PTPRC: variants seen among roughly 807,000 people sequenced by gnomAD.
PTPRC encodes the protein receptor-type tyrosine-protein phosphatase C.
Under a neutral mutation model 155.9 loss-of-function variants are expected in PTPRC, and 44 were observed. That is an observed-to-expected ratio of 0.28 (90% confidence interval 0.22 to 0.36). The LOEUF (loss-of-function observed/expected upper bound fraction) is 0.36. Ranked by LOEUF, PTPRC falls within the 10% of genes least tolerant of loss-of-function variation. The pLI is 1.00. For missense variants in PTPRC, 1,401 were observed against 1,564.6 expected (o/e 0.90, Z 1.76); for synonymous variants, 525 against 533.1 (o/e 0.98, Z 0.21).
At chr1:198,705,559 T>TA (rs1652913508) in intron 8 of PTPRC, among the ~76,000 whole-genome samples, 1 of 151,896 alleles carries the variant, frequency 6.6e-6, no homozygotes, top group Non-Finnish European at 1.5e-5. Flanking sequence ...TAGCTGGGAC[T>TA]ATAGGCACAT....
intron 2 of PTPRC, among the ~76,000 whole-genome samples, chr1:198,639,987 G>T (rs1004267246): frequency 1.3e-5 from 2 of 151,852 alleles, no homozygotes; most frequent in Non-Finnish European, 2.9e-5. Context: ...AATTCTTGTG[G>T]AGCCACCGCC....
intron 32 of PTPRC, among the ~76,000 whole-genome samples, chr1:198,755,612 G>C (rs532579257): frequency 6.6e-6 from 1 of 152,176 alleles, no homozygotes; most frequent in South Asian, 2.1e-4. Context: ...TAGACAGGAG[G>C]ATAAGTACAA....
intron 2 of PTPRC, among the ~76,000 whole-genome samples, chr1:198,671,241 A>AC (rs928356909): frequency 2.0e-5 from 3 of 151,486 alleles, no homozygotes; most frequent in Admixed American, 6.6e-5. Context: ...CACCAGTATC[A>AC]CCCCCCTCAC....
In PTPRC at chr1:198,756,737, A is replaced by ATG. The variant is rs964455968; in HGVS notation, c.*564_*565dup. The ATG allele has an allele frequency of 2.6e-5, 4 of 152,492 alleles. No homozygotes were observed. The highest frequency in any genetic ancestry group is 1.9e-4 in the East Asian group (1 of 5,184). The allele number at this position is 152,492 out of a possible 1,614,324, so 9.4% of individuals were successfully genotyped here. A position where few individuals can be genotyped will look rare whatever the true frequency, so the allele number is the denominator to read the frequency against. ...TCTAGAGATAGTACATAAAGGTGGT[A>ATG]TGTGTGTGTATGCTACTACAAAAAA... is the stretch of plus-strand genomic sequence containing the variant. On this transcript the variant is annotated 3_prime_UTR_variant, in exon 33 of 33. Transcript: ENST00000442510.
chr1:198,682,655 G>A (rs969124167), intron 2 of PTPRC, among the ~76,000 whole-genome samples: 4 of 152,020 alleles, frequency 2.6e-5, no homozygotes, highest in African/African-American at 9.7e-5. Context: ...AAAGGCTTTT[G>A]TATGTTTTCC....
chr1:198,652,105 G>A (rs889606912), intron 2 of PTPRC, among the ~76,000 whole-genome samples: 18 of 151,848 alleles, frequency 1.2e-4, no homozygotes, highest in Non-Finnish European at 8.8e-5. Context: ...AAAAAAGGGC[G>A]CATCAGGTGT....
chr1:198,722,298 A>G (rs1021090148), intron 14 of PTPRC, 118 bp from the exon 15 acceptor site: 13 of 403,550 alleles, frequency 3.2e-5, no homozygotes, highest in Admixed American at 1.5e-4. Context: ...GCATACTTTT[A>G]TTGTATGCAT....
chr1:198,654,975 T>C (rs1663474840), intron 2 of PTPRC, among the ~76,000 whole-genome samples: 1 of 151,984 alleles, frequency 6.6e-6, no homozygotes. Flanking sequence ...AACACTTTGC[T>C]GTTTATGTGG....
intron 4 of PTPRC, among the ~76,000 whole-genome samples, chr1:198,698,985 CAT>C (rs1247329260): frequency 6.6e-6 from 1 of 152,118 alleles, no homozygotes. Context: ...ATTGTTTCCA[CAT>C]GTTTTCAAAC....
chr1:198,747,791 A>G (rs1002205974), intron 26 of PTPRC, among the ~76,000 whole-genome samples: 1 of 151,936 alleles, frequency 6.6e-6, no homozygotes, highest in Non-Finnish European at 1.5e-5. Flanking sequence ...CTTTTGCAAT[A>G]TAGATCAACA....
chr1:198,738,566 A>G (rs1571883623), intron 23 of PTPRC, among the ~76,000 whole-genome samples: 1 of 151,794 alleles, frequency 6.6e-6, no homozygotes, highest in Non-Finnish European at 1.5e-5. Flanking sequence ...TTTGTTGAGG[A>G]TTTTTGCATC....
chr1:198,750,770 C>T (rs188980841), intron 29 of PTPRC, 144 bp downstream of exon 29: 218 of 1,088,296 alleles, frequency 2.0e-4, no homozygotes, highest in Non-Finnish European at 2.9e-4. Context: ...TTACCCCTTT[C>T]ACCCTGGTGT....
chr1:198,700,739 TC>T (rs1457572325), intron 5 of PTPRC, among the ~76,000 whole-genome samples: 2 of 152,224 alleles, frequency 1.3e-5, no homozygotes, highest in East Asian at 3.9e-4. Context: ...AAGGAATTCT[TC>T]TTCTCAAAGA....
At chr1:198,695,381 ATT>A (rs550902631) in intron 3 of PTPRC, among the ~76,000 whole-genome samples, 1 of 140,896 alleles carries the variant, frequency 7.1e-6, no homozygotes, top group Non-Finnish European at 1.5e-5. Context: ...AAATATTTAA[ATT>A]TTTTTTTTTG....
At position 198,734,236 on chromosome 1, in the gene PTPRC, A is replaced by G; in HGVS notation, c.2179+4A>G. ...AGGAAATACATTGCTGCACAAGGTA[A>G]TTTCTTTGATAATCCAATATTCTTT... On this transcript the variant is annotated splice_donor_region_variant and intron_variant, in intron 21 of 32. Transcript: ENST00000442510. The G allele has an allele frequency of 6.2e-7, 1 of 1,610,802 alleles. No homozygotes were observed. The highest frequency in any genetic ancestry group is 1.1e-5 in the South Asian group (1 of 90,948).
chr1:198,694,648 T>C, intron 3 of PTPRC: 1 of 984,026 alleles, frequency 1.0e-6, no homozygotes, highest in South Asian at 4.7e-5. Flanking sequence ...AACAAATTAA[T>C]AATTATCAAG....
At chr1:198,643,473 T>G (rs1662755890) in intron 2 of PTPRC, among the ~76,000 whole-genome samples, 1 of 151,958 alleles carries the variant, frequency 6.6e-6, no homozygotes, top group African/African-American at 2.4e-5. Context: ...ACAGCAGGAC[T>G]ATTTTGTCCA....
rs1655646107 is a variant in PTPRC, at chr1:198,756,158, C to A, written c.3898C>A (p.Pro1300Thr). Reference sequence around the variant, plus strand: ...ACATTCTGTCAATGGTCCTGCAAGTCCAGCTTTAAATCAAGGTTCATAGGA... The same window carrying A: ...ACATTCTGTCAATGGTCCTGCAAGTACAGCTTTAAATCAAGGTTCATAGGA... ...PEHSVNGPAS[P>T]ALNQGS The change falls in exon 33 of 33, where the codon CCA becomes ACA. Residue 1300 changes from proline (P) to threonine (T), a missense_variant. Coordinates refer to ENST00000442510, the MANE Select transcript of PTPRC (RefSeq NM_002838.5). 1.2e-6 allele frequency: 2 copies of A among 1,613,062 alleles called. No individual in the cohort carries two copies. Among genetic ancestry groups the A allele is most frequent in the Non-Finnish European group, 1.7e-6 (2 of 1,179,588 alleles).
chr1:198,690,607 G>T (rs1409194062), intron 2 of PTPRC, among the ~76,000 whole-genome samples: 1 of 151,934 alleles, frequency 6.6e-6, no homozygotes, highest in Non-Finnish European at 1.5e-5. Flanking sequence ...AATAAGCCAG[G>T]GAATGTCATT....
Sources: allele counts gnomAD v4.1 joint callset (sites outside exome capture counted in the v4.1 genomes callset), GRCh38; gene constraint gnomAD v4.1.1; transcripts MANE v1.5; gene names NCBI Gene and HGNC (gene_info 2026-07-23, HGNC 2026-07-21).